Variants in CEP112 observed in about 807,000 individuals in gnomAD.
The protein encoded by CEP112 is centrosomal protein 112.
A neutral mutation model predicts 153.0 loss-of-function variants in CEP112; 127 were observed. The ratio of observed to expected loss-of-function variants is 0.83; its 90% confidence interval spans 0.72 to 0.96. The LOEUF is 0.96. Ranked by LOEUF, CEP112 falls within the 40% of genes least tolerant of loss-of-function variation. The pLI is 0.00. For synonymous variants in CEP112, 358 were observed against 374.4 expected, an observed-to-expected ratio of 0.96 and a Z score of 0.51; for missense variants, 1,089 against 1,101.2, an observed-to-expected ratio of 0.99 and a Z score of 0.16.
intron 17 of CEP112, among the ~76,000 whole-genome samples, chr17:65,991,327 G>A (rs1427783893): frequency 6.6e-6 from 1 of 152,028 alleles, no homozygotes; most frequent in Non-Finnish European, 1.5e-5. Flanking sequence ...TATCTATGTT[G>A]TGAGAGGTAA....
intron 18 of CEP112, among the ~76,000 whole-genome samples, chr17:65,949,700 A>G (rs950366186): frequency 3.3e-5 from 5 of 152,188 alleles, no homozygotes; most frequent in African/African-American, 1.2e-4. Flanking sequence ...CCAGGCATTC[A>G]ACAAAACAGT....
At chr17:66,038,821 T>C (rs1476652490) in intron 12 of CEP112, among the ~76,000 whole-genome samples, 1 of 152,188 alleles carries the variant, frequency 6.6e-6, no homozygotes, top group Non-Finnish European at 1.5e-5. Context: ...ATAGGCATGA[T>C]ACTAGGAACT....
rs1568229950 is a variant in CEP112, at chr17:65,920,385, AT to A, written c.1980+7196del. Among the ~76,000 whole-genome samples the A allele has an allele frequency of 1.9e-4, 20 of 107,076 alleles. 1 individual carries two copies. The highest frequency in any genetic ancestry group is 7.3e-4 in the African/African-American group (19 of 26,154). The allele number at this position is 107,076 out of a possible 152,430, so 70.2% of individuals were successfully genotyped here. A position where few individuals can be genotyped will look rare whatever the true frequency, so the allele number is the denominator to read the frequency against. ...AAAATATATATATATATATATATAT[AT>A]ATATATATATATATATATAATTATA... On this transcript the variant is annotated intron_variant, in intron 19 of 26. Transcript: ENST00000535342.
rs2073142945 is a variant in CEP112 at position 66,191,024 on chromosome 17, T to C, written c.-9+973A>G. ...GTGCACGTTTTCTCTGGCTTACACG[T>C]GTGGATGTTTTGACAAGAGCCTTCC... On this transcript the variant is annotated intron_variant, in intron 1 of 26. Transcript: ENST00000535342. The surrounding 1 kb of genome is among the most constrained non-coding windows in gnomAD (Gnocchi z 4.2). 6.6e-6 allele frequency among the ~76,000 whole-genome samples: 1 copy of C among 152,194 alleles called. No homozygotes were observed. Among genetic ancestry groups the C allele is most frequent in the Admixed American group, 6.5e-5 (1 of 15,280 alleles).
At chr17:65,948,726 T>C (rs976947624) in intron 18 of CEP112, among the ~76,000 whole-genome samples, 7 of 152,094 alleles carry the variant, frequency 4.6e-5, no homozygotes, top group African/African-American at 1.7e-4. Flanking sequence ...TTAAGCAATA[T>C]TAAATGAGAT....
At chr17:65,907,779 G>C (rs2060136888) in intron 19 of CEP112, among the ~76,000 whole-genome samples, 1 of 152,206 alleles carries the variant, frequency 6.6e-6, no homozygotes, top group Non-Finnish European at 1.5e-5. Flanking sequence ...CCCCATCCAT[G>C]TAAATAAATG....
At chr17:66,190,309 C>CAA (rs35433446) in intron 1 of CEP112, among the ~76,000 whole-genome samples, 32 of 119,298 alleles carry the variant, frequency 2.7e-4, no homozygotes, top group Admixed American at 6.2e-4. Flanking sequence ...AGCTCCGTCT[C>CAA]AAAAAAAAAA....
intron 24 of CEP112, among the ~76,000 whole-genome samples, chr17:65,651,717 TTCTTG>T (rs1316728133): frequency 2.0e-5 from 3 of 152,004 alleles, no homozygotes; most frequent in Non-Finnish European, 2.9e-5. Context: ...TTTTCTTTCT[TTCTTG>T]TCAAGTCTCA....
At chr17:65,878,517 G>A (rs746704346) in intron 20 of CEP112, among the ~76,000 whole-genome samples, 38 of 152,144 alleles carry the variant, frequency 2.5e-4, no homozygotes, top group Non-Finnish European at 4.1e-4. Flanking sequence ...TGGGACAGGC[G>A]TGTTTGGGGG....
At chr17:65,735,332 C>T (rs1335817006) in intron 23 of CEP112, among the ~76,000 whole-genome samples, 1 of 152,140 alleles carries the variant, frequency 6.6e-6, no homozygotes, top group East Asian at 1.9e-4. Context: ...GAGTTCAGCT[C>T]ATACTCATAC....
chr17:65,751,990 CTAT>C (rs2051891044), intron 21 of CEP112, among the ~76,000 whole-genome samples: 4 of 144,610 alleles, frequency 2.8e-5, no homozygotes, highest in Non-Finnish European at 6.0e-5. Context: ...ATCTATCTAT[CTAT>C]CTATCTATCT....
At chr17:65,816,434 C>T (rs1487031090) in intron 21 of CEP112, among the ~76,000 whole-genome samples, 3 of 151,770 alleles carry the variant, frequency 2.0e-5, no homozygotes, top group African/African-American at 4.8e-5. Context: ...TTATCCCCCA[C>T]CCCCTTCCCA....
chr17:65,687,514 A>G (rs927121581), intron 24 of CEP112, among the ~76,000 whole-genome samples: 5 of 151,940 alleles, frequency 3.3e-5, no homozygotes, highest in Admixed American at 3.3e-4. Flanking sequence ...TTGTTATCCT[A>G]TTGTTGGGTG....
chr17:66,190,844 A>C (rs2073137715), intron 1 of CEP112, among the ~76,000 whole-genome samples: 2 of 152,246 alleles, frequency 1.3e-5, no homozygotes. Context: ...TGCCAAGCAA[A>C]GAATACACTT....
intron 16 of CEP112, among the ~76,000 whole-genome samples, chr17:66,007,691 G>A (rs2064332591): frequency 1.3e-5 from 2 of 152,038 alleles, no homozygotes; most frequent in South Asian, 4.1e-4. Flanking sequence ...CACCAATTTA[G>A]GAAAAACACA....
intron 23 of CEP112, among the ~76,000 whole-genome samples, chr17:65,738,740 G>T (rs770445964): frequency 2.0e-5 from 3 of 152,074 alleles, no homozygotes; most frequent in Admixed American, 2.0e-4. Flanking sequence ...CAAATATGCC[G>T]CAATGTTAAT....
intron 11 of CEP112, among the ~76,000 whole-genome samples, chr17:66,055,196 G>T (rs1002650594): frequency 6.6e-6 from 1 of 152,132 alleles, no homozygotes; most frequent in Non-Finnish European, 1.5e-5. Context: ...AGGGCAGAAT[G>T]CAGGCAATAA....
intron 8 of CEP112, among the ~76,000 whole-genome samples, chr17:66,086,461 TGG>T (rs958523329): frequency 7.9e-6 from 1 of 126,622 alleles, no homozygotes; most frequent in African/African-American, 3.0e-5. Flanking sequence ...TGGAGTGCAG[TGG>T]CGTGATCTCG....
At chr17:65,738,910 T>A (rs539874494) in intron 23 of CEP112, among the ~76,000 whole-genome samples, 28 of 152,158 alleles carry the variant, frequency 1.8e-4, no homozygotes, top group Non-Finnish European at 4.0e-4. Context: ...CCACTATTTC[T>A]CCTCTCCTAG....
Sources: gnomAD v4.1 joint callset for allele counts (sites outside exome capture counted in the v4.1 genomes callset) on GRCh38, gnomAD v4.1.1 for gene constraint, Gnocchi (gnomAD v3.1) non-coding constraint, MANE v1.5 for transcripts, NCBI Gene and HGNC (gene_info 2026-07-23, HGNC 2026-07-21) for gene names.